The following FGFR2 variants were observed in gnomAD, a reference collection of about 807,000 sequenced individuals.
FGFR2 encodes BEK fibroblast growth factor receptor.
Under a neutral mutation model 95.9 loss-of-function variants are expected in FGFR2, and 19 were observed. That is an observed-to-expected ratio of 0.20 (90% CI 0.14 to 0.29). FGFR2 has a LOEUF of 0.29. FGFR2 is among the 10% of genes least tolerant of loss of function. The pLI, the probability that FGFR2 is intolerant of heterozygous loss-of-function variation, is 1.00. For synonymous variants in FGFR2, 392 were observed against 393.3 expected, an observed-to-expected ratio of 1.00 and a Z score of 0.04; for missense variants, 707 against 1,056.9, an observed-to-expected ratio of 0.67 and a Z score of 4.59.
intron 2 of FGFR2, among the ~76,000 whole-genome samples, chr10:121,587,956 A>G (rs1456838940): frequency 1.3e-5 from 2 of 152,222 alleles, no homozygotes; most frequent in African/African-American, 4.8e-5. Context: ...TGTTCATTGC[A>G]GCACTATTCA....
At position 121,518,575 on chromosome 10, in the gene FGFR2, C is replaced by T; in HGVS notation, c.940-1112G>A. ...GATTATTATAAATATACCAAGGCCA[C>T]AAGAGTTATCCTATAAGCTGCCTGC... On this transcript the variant is annotated intron_variant, in intron 7 of 17. Transcript: ENST00000358487. This position sits in a 1 kb window ranked among gnomAD's most constrained non-coding sequence, Gnocchi z 4.0. 7.9e-7 allele frequency: 1 copy of T among 1,273,036 alleles called. No homozygotes were observed. The highest frequency in any genetic ancestry group is 1.3e-5 in the South Asian group (1 of 78,000). The allele number at this position is 1,273,036 out of a possible 1,614,324, so 78.9% of individuals were successfully genotyped here.
At chr10:121,533,756 C>T (rs1362777469) in intron 6 of FGFR2, among the ~76,000 whole-genome samples, 7 of 152,168 alleles carry the variant, frequency 4.6e-5, no homozygotes, top group Non-Finnish European at 7.3e-5. Flanking sequence ...TGAAGAAGTC[C>T]GCTTGGAGAG....
chr10:121,553,813 A>G (rs953750594), intron 4 of FGFR2, among the ~76,000 whole-genome samples: 1 of 152,196 alleles, frequency 6.6e-6, no homozygotes, highest in Non-Finnish European at 1.5e-5. Context: ...TCCCTAAAAA[A>G]AAAGTGGGAT....
At chr10:121,594,725 C>A (rs1863182896) in intron 1 of FGFR2, among the ~76,000 whole-genome samples, 3 of 152,354 alleles carry the variant, frequency 2.0e-5, no homozygotes, top group Middle Eastern at 6.8e-3. Flanking sequence ...CAGTCCAGGG[C>A]TGCTAAATGT....
At chr10:121,551,233 A>G in intron 5 of FGFR2, 57 bp downstream of exon 5, 1 of 1,596,530 alleles carries the variant, frequency 6.3e-7, no homozygotes, top group Non-Finnish European at 8.6e-7. Flanking sequence ...AAAAAAATGT[A>G]AATAAATAAA....
chr10:121,514,444 C>G (rs759284658), intron 9 of FGFR2, among the ~76,000 whole-genome samples: 7 of 152,150 alleles, frequency 4.6e-5, no homozygotes, highest in Non-Finnish European at 7.3e-5. Context: ...CACCAAAGAC[C>G]AAGTTGGTGG....
chr10:121,575,871 A>G (rs1241511914), intron 2 of FGFR2, among the ~76,000 whole-genome samples: 1 of 149,338 alleles, frequency 6.7e-6, no homozygotes, highest in African/African-American at 2.5e-5. Flanking sequence ...ATAAATAAAT[A>G]AATAAAAATA....
In FGFR2 at chr10:121,488,211, T is replaced by C. The variant is rs576944926; in HGVS notation, c.1864-98A>G. 231 of 1,532,176 alleles carry C rather than the reference T, an allele frequency of 1.5e-4. No individual in the cohort carries two copies. The African/African-American group carries it at 2.8e-3, about 19-fold the overall frequency. The allele number at this position is 1,532,176 out of a possible 1,614,324, so 94.9% of individuals were successfully genotyped here. Reference sequence around the variant, plus strand: ...TTTCTTAAAATGCAGATAGAAAATATAGCTGATGTTAAAAACCAGTTGCGG... The same window carrying C: ...TTTCTTAAAATGCAGATAGAAAATACAGCTGATGTTAAAAACCAGTTGCGG... On this transcript the variant is annotated intron_variant, in intron 13 of 17. Transcript: ENST00000358487.
rs141593360 is a variant in FGFR2 at position 121,494,850 on chromosome 10, G to C, written c.1863+1682C>G. 1.6e-3 allele frequency among the ~76,000 whole-genome samples: 247 copies of C among 152,088 alleles called. 1 individual carries two copies. The highest frequency in any genetic ancestry group is 5.2e-3 in the African/African-American group (217 of 41,476). On this transcript the variant is annotated intron_variant, in intron 13 of 17. Transcript: ENST00000358487. ...AACAGATACCACTGTCACCACCCCC[G>C]GCAAATTCAACACTGATACAGAAAT...
chr10:121,556,586 G>T (rs1008942794), intron 4 of FGFR2, among the ~76,000 whole-genome samples: 1 of 152,134 alleles, frequency 6.6e-6, no homozygotes. Flanking sequence ...TTTGATCAAG[G>T]TCACACAGCC....
intron 5 of FGFR2, among the ~76,000 whole-genome samples, chr10:121,550,987 G>A (rs1334089015): frequency 4.6e-5 from 7 of 152,108 alleles, no homozygotes; most frequent in Admixed American, 2.0e-4. Flanking sequence ...TTGGGAGGCC[G>A]AGGCAGGCGG....
At chr10:121,487,506 TTAA>T in intron 14 of FGFR2, 82 bp from the exon 15 acceptor site, 2 of 1,165,208 alleles carry the variant, frequency 1.7e-6, no homozygotes, top group Non-Finnish European at 2.5e-6. Flanking sequence ...TATGCCCTGT[TTAA>T]GAGCTGATAT....
At position 121,515,233 on chromosome 10, in the gene FGFR2, T is replaced by C. The variant is rs751951199; in HGVS notation, c.1171A>G (p.Met391Val). ...CGGCACAGGATGACTGTTACCACCA[T>C]ACAGGCGATTAAGAAGACCCCTATG... The part of the protein sequence containing the change: ...YCIGVFLIAC[M>V]VVTVILCRMK... The change falls in exon 9 of 18, where the codon ATG (methionine) becomes GTG (valine). Residue 391 changes from methionine (M) to valine (V), a missense_variant. Physicochemically the swap from Met to Val is conservative, Grantham distance 21. Around this residue, in one of 7 missense-constraint regions of FGFR2, gnomAD observed 194 missense variants for 267.3 expected, o/e 0.73. Coordinates refer to ENST00000358487, the MANE Select transcript of FGFR2 (RefSeq NM_000141.5). 5 of 1,614,190 alleles carry C rather than the reference T, an allele frequency of 3.1e-6. No homozygotes were observed. Among genetic ancestry groups the C allele is most frequent in the East Asian group, 4.5e-5 (2 of 44,886 alleles).
Position 121,546,184 on chromosome 10 carries a change from T to C in FGFR2, c.624+5106A>G, listed in dbSNP as rs560331461. Among the ~76,000 whole-genome samples the C allele has an allele frequency of 3.0e-3, 183 of 60,388 alleles. 1 individual carries two copies. The highest frequency in any genetic ancestry group is 4.5e-3 in the Non-Finnish European group (158 of 35,174). The allele number at this position is 60,388 out of a possible 152,430, so 39.6% of individuals were successfully genotyped here. Reference sequence around the variant, plus strand: ...TCTAGCCATGAAGGTAACCTCTTTATTAAAAAAAAAAAAAAAAAATCTGTG... The same window carrying C: ...TCTAGCCATGAAGGTAACCTCTTTACTAAAAAAAAAAAAAAAAAATCTGTG... On this transcript the variant is annotated intron_variant, in intron 5 of 17. Coordinates refer to ENST00000358487, the MANE Select transcript of FGFR2 (RefSeq NM_000141.5).
rs746668054 is a variant in FGFR2 at position 121,509,570 on chromosome 10, G to A, written c.1287+5547C>T. ...ACGATCTTGGCTCACTGCAACCCCC[G>A]CCTACCGGGTTCAAGTGATTCTCCT... On this transcript the variant is annotated intron_variant, in intron 9 of 17. Coordinates refer to ENST00000358487, the MANE Select transcript of FGFR2 (RefSeq NM_000141.5). 1.0e-3 allele frequency among the ~76,000 whole-genome samples: 128 copies of A among 122,544 alleles called. 2 individuals carry two copies. Among genetic ancestry groups the A allele is most frequent in the Admixed American group, 5.3e-4 (5 of 9,470 alleles). 80.4% of individuals were successfully genotyped at this position (122,544 alleles called of 152,430 possible).
At chr10:121,526,993 T>C (rs982192352) in intron 6 of FGFR2, 2 of 373,060 alleles carry the variant, frequency 5.4e-6, no homozygotes, top group Non-Finnish European at 9.5e-6. Flanking sequence ...TGAAGTGTCC[T>C]CCCTCCAGCA....
At chr10:121,506,126 G>A (rs1313681595) in intron 9 of FGFR2, among the ~76,000 whole-genome samples, 2 of 152,104 alleles carry the variant, frequency 1.3e-5, no homozygotes, top group African/African-American at 4.8e-5. Flanking sequence ...GGAGGAGGAA[G>A]TGGGCAGATC....
chr10:121,596,141 C>T (rs1324013360), intron 1 of FGFR2, among the ~76,000 whole-genome samples: 1 of 152,232 alleles, frequency 6.6e-6, no homozygotes, highest in African/African-American at 2.4e-5. Flanking sequence ...AAAGCCCCAG[C>T]GTGTTTATTT....
chr10:121,479,447 C>A lies in FGFR2; in HGVS notation c.*410G>T. ...TGTAAATATATAATATATATTTATA[C>A]ATAATTTGAATATATTTACATACAT... On this transcript the variant is annotated 3_prime_UTR_variant, in exon 18 of 18. Coordinates refer to ENST00000358487, the MANE Select transcript of FGFR2 (RefSeq NM_000141.5). 1 of 427,734 alleles carries A rather than the reference C, an allele frequency of 2.3e-6. No homozygotes were observed. The highest frequency in any genetic ancestry group is 4.1e-6 in the Non-Finnish European group (1 of 245,484). 26.5% of individuals were successfully genotyped at this position (427,734 alleles called of 1,614,324 possible).
Sources: allele counts gnomAD v4.1 joint callset (sites outside exome capture counted in the v4.1 genomes callset), GRCh38; gene constraint gnomAD v4.1.1; regional missense constraint gnomAD v4.1.1; non-coding constraint Gnocchi (gnomAD v3.1); transcripts MANE v1.5; gene names NCBI Gene and HGNC (gene_info 2026-07-23, HGNC 2026-07-21).